PCDH7: variants seen among roughly 807,000 people sequenced by gnomAD.
The protein encoded by PCDH7 is protocadherin 7.
PCDH7 carries 17 observed loss-of-function variants against 58.9 expected under a neutral mutation model. The ratio of observed to expected loss-of-function variants is 0.29; its 90% CI spans 0.20 to 0.43. The LOEUF (loss-of-function observed/expected upper bound fraction) is 0.43. Ranked by LOEUF, PCDH7 falls within the 20% of genes least tolerant of loss-of-function variation. The pLI is 1.00. For missense variants in PCDH7, 1,274 were observed against 1,441.0 expected (o/e 0.88, Z 1.88); for synonymous variants, 664 against 616.4 (o/e 1.08, Z -1.14).
At chr4:30,762,861 G>A (rs1694977788) in intron 1 of PCDH7, among the ~76,000 whole-genome samples, 2 of 152,176 alleles carry the variant, frequency 1.3e-5, no homozygotes, top group South Asian at 4.1e-4. Flanking sequence ...TCATTAGAAT[G>A]GACATACAAT....
At chr4:31,128,377 A>G (rs902973622) in intron 3 of PCDH7, among the ~76,000 whole-genome samples, 1 of 152,076 alleles carries the variant, frequency 6.6e-6, no homozygotes, top group African/African-American at 2.4e-5. Context: ...GTCAAACTGT[A>G]TTAGGTTGGC....
intron 1 of PCDH7, among the ~76,000 whole-genome samples, chr4:30,889,481 A>G (rs1738316523): frequency 6.6e-6 from 1 of 152,198 alleles, no homozygotes; most frequent in African/African-American, 2.4e-5. Flanking sequence ...TAATATTGCA[A>G]TAAATTTCAC....
intron 3 of PCDH7, among the ~76,000 whole-genome samples, chr4:31,125,067 T>C (rs1023013061): frequency 2.6e-5 from 4 of 152,184 alleles, no homozygotes; most frequent in African/African-American, 4.8e-5. Context: ...CCCGTGAAGA[T>C]AAACCTGTTT....
intron 3 of PCDH7, among the ~76,000 whole-genome samples, chr4:31,116,353 A>G (rs1156549170): frequency 1.3e-5 from 2 of 152,250 alleles, no homozygotes; most frequent in Non-Finnish European, 1.5e-5. Flanking sequence ...TGTTATAGGC[A>G]GTAACCAAAA....
chr4:30,849,453 A>G (rs1227159802), intron 1 of PCDH7, among the ~76,000 whole-genome samples: 5 of 151,936 alleles, frequency 3.3e-5, no homozygotes, highest in South Asian at 4.1e-4. Flanking sequence ...CCGATTTACC[A>G]CTGTATCACA....
intron 1 of PCDH7, among the ~76,000 whole-genome samples, chr4:30,904,568 G>A (rs1361432690): frequency 2.6e-5 from 4 of 152,104 alleles, no homozygotes; most frequent in African/African-American, 4.8e-5. Context: ...ACATGTCTCC[G>A]CTTCCATTCA....
chr4:31,033,540 A>C (rs867411912), intron 3 of PCDH7, among the ~76,000 whole-genome samples: 4 of 152,346 alleles, frequency 2.6e-5, no homozygotes, highest in Non-Finnish European at 4.4e-5. Flanking sequence ...ACTGGAATCT[A>C]CATCAGAGCT....
intron 3 of PCDH7, among the ~76,000 whole-genome samples, chr4:30,985,729 T>C (rs1750911432): frequency 6.6e-6 from 1 of 152,196 alleles, no homozygotes; most frequent in Admixed American, 6.5e-5. Context: ...TCGCACATTT[T>C]CCAATTTTTG....
intron 3 of PCDH7, among the ~76,000 whole-genome samples, chr4:31,124,616 T>A (rs1256412728): frequency 6.6e-6 from 1 of 152,194 alleles, no homozygotes; most frequent in Non-Finnish European, 1.5e-5. Context: ...CTACAGATTA[T>A]TTATTAGATT....
intron 2 of PCDH7, among the ~76,000 whole-genome samples, chr4:30,945,214 T>A (rs1746527787): frequency 6.6e-6 from 1 of 152,094 alleles, no homozygotes; most frequent in African/African-American, 2.4e-5. Context: ...ATTTTAAACA[T>A]ATGCTACTAT....
intron 3 of PCDH7, among the ~76,000 whole-genome samples, chr4:30,962,805 A>AG (rs1491139649): frequency 7.1e-6 from 1 of 141,700 alleles, no homozygotes; most frequent in Non-Finnish European, 1.6e-5. Context: ...AAAAAAAAAA[A>AG]CAGTGGTAAT....
chr4:30,951,865 G>A (rs1483306332), intron 3 of PCDH7, among the ~76,000 whole-genome samples: 1 of 152,102 alleles, frequency 6.6e-6, no homozygotes, highest in Non-Finnish European at 1.5e-5. Flanking sequence ...TCTCGTTCAT[G>A]CTCACCTCTT....
At chr4:31,138,427 T>C (rs1292686108) in intron 3 of PCDH7, among the ~76,000 whole-genome samples, 1 of 152,174 alleles carries the variant, frequency 6.6e-6, no homozygotes, top group Non-Finnish European at 1.5e-5. Context: ...CTGCAGACTG[T>C]AGCTTGTTCA....
intron 1 of PCDH7, among the ~76,000 whole-genome samples, chr4:30,859,564 C>G (rs776491715): frequency 6.6e-6 from 1 of 151,828 alleles, no homozygotes; most frequent in African/African-American, 2.4e-5. Context: ...CTCAGCCTCC[C>G]GAGTAGCTGG....
At chr4:30,919,375 A>G (rs556731959) in intron 1 of PCDH7, among the ~76,000 whole-genome samples, 1 of 152,294 alleles carries the variant, frequency 6.6e-6, no homozygotes, top group South Asian at 2.1e-4. Flanking sequence ...AGCCATTGTC[A>G]GTAACATAGT....
At chr4:30,955,342 CA>C (rs1747742449) in intron 3 of PCDH7, among the ~76,000 whole-genome samples, 1 of 151,886 alleles carries the variant, frequency 6.6e-6, no homozygotes, top group South Asian at 2.1e-4. Context: ...AAAACTGACT[CA>C]CATAAGCATA....
At chr4:30,845,262 G>A (rs1731767004) in intron 1 of PCDH7, among the ~76,000 whole-genome samples, 1 of 152,090 alleles carries the variant, frequency 6.6e-6, no homozygotes, top group East Asian at 1.9e-4. Context: ...GGAGGTTTTA[G>A]CCTTTTCAGA....
chr4:31,111,758 G>T (rs1296063360), intron 3 of PCDH7, among the ~76,000 whole-genome samples: 1 of 152,148 alleles, frequency 6.6e-6, no homozygotes, highest in Admixed American at 6.6e-5. Flanking sequence ...TAACTAACTC[G>T]AAACCTCTGC....
intron 1 of PCDH7, among the ~76,000 whole-genome samples, chr4:30,771,737 A>G (rs1474241873): frequency 1.3e-5 from 2 of 152,200 alleles, no homozygotes; most frequent in Non-Finnish European, 2.9e-5. Flanking sequence ...TAAATAGGAA[A>G]TTATCCTCGG....
Sources: gnomAD v4.1 joint callset for allele counts (sites outside exome capture counted in the v4.1 genomes callset) on GRCh38, gnomAD v4.1.1 for gene constraint, MANE v1.5 for transcripts, NCBI Gene and HGNC (gene_info 2026-07-23, HGNC 2026-07-21) for gene names.